SLC9B1: variants seen among roughly 807,000 people sequenced by gnomAD.
SLC9B1 encodes the protein sodium/hydrogen exchanger 9B1.
Under a neutral mutation model 51.7 loss-of-function variants are expected in SLC9B1, and 32 were observed. The ratio of observed to expected loss-of-function variants is 0.62; its 90% CI spans 0.47 to 0.83. The LOEUF is 0.83. Ranked by LOEUF, SLC9B1 falls within the 40% of genes least tolerant of loss-of-function variation. SLC9B1 has a pLI of 0.00. For missense variants in SLC9B1, 406 were observed against 613.2 expected, an observed-to-expected ratio of 0.66 and a Z score of 3.57; for synonymous variants, 145 against 212.7, an observed-to-expected ratio of 0.68 and a Z score of 2.77.
intron 3 of SLC9B1, among the ~76,000 whole-genome samples, chr4:102,968,684 AGT>A (rs1055659168): frequency 3.3e-5 from 5 of 152,226 alleles, no homozygotes; most frequent in African/African-American, 1.2e-4. Flanking sequence ...CTGGTTGGAC[AGT>A]GGGTGCAGCC....
chr4:102,993,285 G>A (rs1740043440), intron 1 of SLC9B1, among the ~76,000 whole-genome samples: 1 of 152,046 alleles, frequency 6.6e-6, no homozygotes, highest in African/African-American at 2.4e-5. Context: ...GTACAATGAG[G>A]GTACTGGGAG....
chr4:102,935,126 A>G (rs1736656404), intron 6 of SLC9B1, among the ~76,000 whole-genome samples: 1 of 152,200 alleles, frequency 6.6e-6, no homozygotes. Context: ...ACAAATACAT[A>G]TAACAGATAT....
intron 3 of SLC9B1, among the ~76,000 whole-genome samples, chr4:102,968,499 C>A (rs1339723983): frequency 6.6e-6 from 1 of 152,162 alleles, no homozygotes; most frequent in Admixed American, 6.5e-5. Context: ...AATTGGACTT[C>A]ATCAAAATGA....
chr4:102,949,161 T>C (rs376665654), intron 4 of SLC9B1, 96 bp downstream of exon 4: 59 of 1,049,114 alleles, frequency 5.6e-5, no homozygotes, highest in Non-Finnish European at 7.6e-5. Flanking sequence ...ACATACTACA[T>C]TGAAATATTT....
intron 3 of SLC9B1, among the ~76,000 whole-genome samples, chr4:102,965,208 T>C (rs929933350): frequency 2.0e-5 from 3 of 152,126 alleles, no homozygotes; most frequent in Non-Finnish European, 4.4e-5. Context: ...GTTGTTATAA[T>C]AGAATACCTG....
At chr4:102,945,969 C>CTATTGTAA (rs1417001274) in intron 5 of SLC9B1, among the ~76,000 whole-genome samples, 1 of 151,814 alleles carries the variant, frequency 6.6e-6, no homozygotes, top group Non-Finnish European at 1.5e-5. Context: ...TTGGATTTTA[C>CTATTGTAA]AATAATGCAA....
chr4:102,907,575 T>C (rs1735115782), intron 9 of SLC9B1, among the ~76,000 whole-genome samples: 1 of 152,264 alleles, frequency 6.6e-6, no homozygotes, highest in Non-Finnish European at 1.5e-5. Flanking sequence ...CCAGTGCTAC[T>C]TCCCCAATTA....
At chr4:102,941,128 T>C (rs1736974757) in intron 6 of SLC9B1, among the ~76,000 whole-genome samples, 1 of 151,996 alleles carries the variant, frequency 6.6e-6, no homozygotes, top group African/African-American at 2.4e-5. Flanking sequence ...CCAAAAACAA[T>C]TGCAACAAAA....
intron 3 of SLC9B1, chr4:102,962,100 G>C (rs996537654): frequency 5.2e-6 from 2 of 385,918 alleles, no homozygotes; most frequent in Non-Finnish European, 1.0e-5. Flanking sequence ...CACTGCTCTG[G>C]GTCTCAGCCC....
At chr4:102,905,056 A>T (rs532788094) in intron 11 of SLC9B1, among the ~76,000 whole-genome samples, 76 of 151,986 alleles carry the variant, frequency 5.0e-4, no homozygotes, top group African/African-American at 1.8e-3. Flanking sequence ...CAGGAGGCTG[A>T]TGTGAGAGAA....
Position 103,013,225 on chromosome 4 carries a change from C to T in SLC9B1, c.-2+6374G>A, listed in dbSNP as rs542129872. Among the ~76,000 whole-genome samples the T allele has an allele frequency of 2.0e-5, 3 of 152,298 alleles. No individual in the cohort carries two copies. In the South Asian group the frequency reaches 6.2e-4, roughly 32 times the overall value. Reference sequence around the variant, plus strand: ...TTTCAGTCAAACTGTTAACTGCACTCCATGCCTTTATTTGGTTGGAACATC... The same window carrying T: ...TTTCAGTCAAACTGTTAACTGCACTTCATGCCTTTATTTGGTTGGAACATC... On this transcript the variant is annotated intron_variant, in intron 1 of 11. Coordinates refer to ENST00000296422, the MANE Select transcript of SLC9B1 (RefSeq NM_139173.4).
At chr4:102,962,759 A>G in intron 3 of SLC9B1, 1 of 473,998 alleles carries the variant, frequency 2.1e-6, no homozygotes, top group Non-Finnish European at 4.3e-6. Flanking sequence ...CACAAAAGCC[A>G]TTAAGGAGAA....
intron 6 of SLC9B1, among the ~76,000 whole-genome samples, chr4:102,940,321 T>C (rs1456041185): frequency 6.6e-6 from 1 of 151,910 alleles, no homozygotes; most frequent in Non-Finnish European, 1.5e-5. Flanking sequence ...ATCTCTACAA[T>C]GAAAATTACA....
At chr4:103,014,110 A>C (rs1250337680) in intron 1 of SLC9B1, among the ~76,000 whole-genome samples, 4 of 152,346 alleles carry the variant, frequency 2.6e-5, no homozygotes, top group East Asian at 3.9e-4. Context: ...CCTTTGAATA[A>C]GGCTCTAACC....
Position 102,966,643 on chromosome 4 carries a change from C to T in SLC9B1, c.212-17216G>A, listed in dbSNP as rs142598073. 1.4e-3 allele frequency among the ~76,000 whole-genome samples: 209 copies of T among 152,278 alleles called. No individual in the cohort carries two copies. The Middle Eastern group carries it at 0.02, about 15-fold the overall frequency. ...TGGATTCTGTCTCTTAAAACCATTC[C>T]GTCCTCCTAGACCTCTGGAAAGGCA... On this transcript the variant is annotated intron_variant, in intron 3 of 11. Coordinates refer to ENST00000296422, the MANE Select transcript of SLC9B1 (RefSeq NM_139173.4).
At chr4:103,006,760 C>T (rs1740809652) in intron 1 of SLC9B1, among the ~76,000 whole-genome samples, 1 of 152,170 alleles carries the variant, frequency 6.6e-6, no homozygotes, top group African/African-American at 2.4e-5. Context: ...AAATGGAATT[C>T]AGCAGCACAT....
At chr4:102,909,129 T>G (rs1218944660) in intron 9 of SLC9B1, among the ~76,000 whole-genome samples, 1 of 152,094 alleles carries the variant, frequency 6.6e-6, no homozygotes, top group African/African-American at 2.4e-5. Context: ...ACCAAAATCT[T>G]TTGAAGGGAT....
downstream of SLC9B1, among the ~76,000 whole-genome samples, chr4:102,900,383 A>G (rs1734728648): frequency 6.6e-6 from 1 of 152,270 alleles, no homozygotes; most frequent in East Asian, 1.9e-4. Context: ...GCAGTCTCCA[A>G]ATCTTTCATT....
At chr4:102,957,323 G>T (rs1171042699) in intron 3 of SLC9B1, among the ~76,000 whole-genome samples, 1 of 152,126 alleles carries the variant, frequency 6.6e-6, no homozygotes, top group Non-Finnish European at 1.5e-5. Context: ...AATATAAGAA[G>T]TTCAACAAAT....
Sources: gnomAD v4.1 joint callset for allele counts (sites outside exome capture counted in the v4.1 genomes callset) on GRCh38, gnomAD v4.1.1 for gene constraint, MANE v1.5 for transcripts, NCBI Gene and HGNC (gene_info 2026-07-23, HGNC 2026-07-21) for gene names.